The following PPP1R7 variants were observed in gnomAD, a reference collection of about 807,000 sequenced individuals.
The protein encoded by PPP1R7 is protein phosphatase 1 regulatory subunit 22.
In PPP1R7, 18 loss-of-function variants were observed where a neutral mutation model predicts 45.2. That is an observed-to-expected ratio of 0.40 (90% CI 0.28 to 0.59). The LOEUF is 0.59. PPP1R7 is among the 20% of genes least tolerant of loss of function. PPP1R7 has a pLI of 0.46. For missense variants in PPP1R7, 314 were observed against 455.8 expected (o/e 0.69, Z 2.83); for synonymous variants, 181 against 183.4 (o/e 0.99, Z 0.11).
At position 241,183,062 on chromosome 2, in the gene PPP1R7, G is replaced by A. The variant is rs1460000632; in HGVS notation, c.*239G>A. 8.9e-6 allele frequency: 5 copies of A among 563,322 alleles called. No homozygotes were observed. Among genetic ancestry groups the A allele is most frequent in the African/African-American group, 7.5e-5 (4 of 53,158 alleles). The allele number at this position is 563,322 out of a possible 1,614,324, so 34.9% of individuals were successfully genotyped here. On this transcript the variant is annotated 3_prime_UTR_variant, in exon 10 of 10. Coordinates refer to ENST00000234038, the MANE Select transcript of PPP1R7 (RefSeq NM_002712.3). ...TGTTGACAGTTATTGTAGCCACAGAGAGAACATAAGACACGTTGCGTTCAT... is the reference window on the plus strand; with the variant it reads ...TGTTGACAGTTATTGTAGCCACAGAAAGAACATAAGACACGTTGCGTTCAT...
At chr2:241,152,279 C>T (rs760024023) in intron 1 of PPP1R7, among the ~76,000 whole-genome samples, 5 of 152,236 alleles carry the variant, frequency 3.3e-5, no homozygotes, top group Non-Finnish European at 5.9e-5. Context: ...TTTGCCAAAG[C>T]TGCATCTCTA....
Position 241,182,976 on chromosome 2 carries a change from T to A in PPP1R7, c.*153T>A, listed in dbSNP as rs3868. On this transcript the variant is annotated 3_prime_UTR_variant, in exon 10 of 10. Transcript: ENST00000234038. ...CTGACGATAGCTGGCGCGCGCGACGTCACACACCATTTTCAGATGCCGTTG... is the reference window on the plus strand; with the variant it reads ...CTGACGATAGCTGGCGCGCGCGACGACACACACCATTTTCAGATGCCGTTG... 1.3e-6 allele frequency: 1 copy of A among 774,092 alleles called. No homozygotes were observed. Among genetic ancestry groups the A allele is most frequent in the Non-Finnish European group, 2.0e-6 (1 of 494,988 alleles). 48.0% of individuals were successfully genotyped at this position (774,092 alleles called of 1,614,324 possible). A position where few individuals can be genotyped will look rare whatever the true frequency, so the allele number is the denominator to read the frequency against.
intron 6 of PPP1R7, among the ~76,000 whole-genome samples, chr2:241,162,966 A>G (rs931160064): frequency 7.2e-5 from 11 of 151,854 alleles, no homozygotes; most frequent in Non-Finnish European, 1.3e-4. Context: ...CACGCCCGAC[A>G]GGGGGACATT....
At chr2:241,173,569 A>G (rs943282515) in intron 9 of PPP1R7, among the ~76,000 whole-genome samples, 16 of 152,184 alleles carry the variant, frequency 1.1e-4, no homozygotes, top group African/African-American at 3.9e-4. Flanking sequence ...GTGATGTGTC[A>G]GGGTTAACTG....
At position 241,153,490 on chromosome 2, in the gene PPP1R7, G is replaced by A. The variant is rs777048169; in HGVS notation, c.67G>A (p.Glu23Lys). The A allele has an allele frequency of 2.5e-6, 4 of 1,614,048 alleles. No individual in the cohort carries two copies. In the African/African-American group the frequency reaches 5.3e-5, roughly 22 times the overall value. The change falls in exon 2 of 10, where the codon GAG (glutamate) becomes AAG (lysine). Residue 23 changes from glutamate (E) to lysine (K), a missense_variant. Around this residue, in one of 3 missense-constraint regions of PPP1R7, gnomAD observed 112 missense variants for 144.5 expected, o/e 0.78. Transcript: ENST00000234038. Reference sequence around the variant, plus strand: ...TGTGGGTTCAGTTGACAGGCGGGTCGAGTCTGAAGAATCCGGCGATGAAGA... The same window carrying A: ...TGTGGGTTCAGTTGACAGGCGGGTCAAGTCTGAAGAATCCGGCGATGAAGA... ...QEMMEVDRRVESEESGDEEGK... is the reference protein window; with the variant it reads ...QEMMEVDRRVKSEESGDEEGK...
Position 241,160,412 on chromosome 2 carries a change from T to G in PPP1R7, c.515T>G (p.Val172Gly). The change falls in exon 6 of 10, where the codon GTC (valine) becomes GGC (glycine). Residue 172 changes from valine (V) to glycine (G), a missense_variant. Val to Gly is a moderately radical substitution (Grantham distance 109). Transcript: ENST00000234038. The stretch of plus-strand genomic sequence containing the variant: ...ACACGACTGAAAAAACTCTTCTTGG[T>G]CAACAATAAAATCAGTAAAATTGAG... ...KLTRLKKLFLVNNKISKIENL... is the reference protein window; with the variant it reads ...KLTRLKKLFLGNNKISKIENL... 6.2e-7 allele frequency: 1 copy of G among 1,613,316 alleles called. No homozygotes were observed. Among genetic ancestry groups the G allele is most frequent in the Non-Finnish European group, 8.5e-7 (1 of 1,179,812 alleles).
intron 6 of PPP1R7, 88 bp downstream of exon 6, chr2:241,160,582 G>T: frequency 1.8e-6 from 2 of 1,134,580 alleles, no homozygotes; most frequent in Non-Finnish European, 1.2e-6. Flanking sequence ...TAGAATGCAT[G>T]GTGAGTCTGC....
chr2:241,174,647 A>AT (rs2067877965), intron 9 of PPP1R7, among the ~76,000 whole-genome samples: 1 of 151,790 alleles, frequency 6.6e-6, no homozygotes, highest in African/African-American at 2.4e-5. Context: ...TGTCTGATGT[A>AT]TAAAAACAAT....
intron 9 of PPP1R7, among the ~76,000 whole-genome samples, chr2:241,172,018 A>G (rs1362471581): frequency 1.3e-5 from 2 of 152,160 alleles, no homozygotes; most frequent in Admixed American, 6.5e-5. Flanking sequence ...GTGTCTTTAG[A>G]CTGCTTACAT....
intron 1 of PPP1R7, 39 bp from the exon 2 acceptor site, chr2:241,153,437 A>G (rs1297670172): frequency 6.2e-7 from 1 of 1,612,392 alleles, no homozygotes; most frequent in Non-Finnish European, 8.5e-7. Context: ...AAAGTCCCAT[A>G]AAGTGGATGT....
chr2:241,157,199 G>C (rs982228153), intron 2 of PPP1R7, among the ~76,000 whole-genome samples: 1 of 152,184 alleles, frequency 6.6e-6, no homozygotes, highest in African/African-American at 2.4e-5. Flanking sequence ...TGAGAAGTGT[G>C]TTTAAATTAT....
chr2:241,165,814 G>C (rs2067692839), intron 7 of PPP1R7, among the ~76,000 whole-genome samples: 1 of 150,908 alleles, frequency 6.6e-6, no homozygotes, highest in African/African-American at 2.4e-5. Context: ...AGCCAGGATG[G>C]TCTCGATCTC....
At chr2:241,173,879 C>T (rs879831366) in intron 9 of PPP1R7, among the ~76,000 whole-genome samples, 1 of 149,916 alleles carries the variant, frequency 6.7e-6, no homozygotes, top group Non-Finnish European at 1.5e-5. Context: ...ATTTCAGATA[C>T]TGTATTTTTC....
intron 8 of PPP1R7, among the ~76,000 whole-genome samples, chr2:241,169,230 AG>A (rs2067773167): frequency 6.6e-6 from 1 of 152,168 alleles, no homozygotes; most frequent in South Asian, 2.1e-4. Context: ...CCCTTTTCCC[AG>A]ACAAGAGTGT....
At chr2:241,159,059 C>A (rs960702942) in intron 4 of PPP1R7, 154 bp from the exon 5 acceptor site, 3 of 921,836 alleles carry the variant, frequency 3.3e-6, no homozygotes, top group Non-Finnish European at 4.9e-6. Context: ...TGCCCACCTG[C>A]CTCTCAAAGG....
chr2:241,150,267 C>A, upstream of PPP1R7: 1 of 1,321,208 alleles, frequency 7.6e-7, no homozygotes, highest in Non-Finnish European at 9.6e-7. Context: ...AGCTTCTCGC[C>A]TCCAGACTGT....
chr2:241,183,312 T>A lies in PPP1R7; in HGVS notation c.*489T>A, dbSNP rs1436166844. The A allele has an allele frequency of 6.9e-6, 3 of 435,156 alleles. No homozygotes were observed. The highest frequency in any genetic ancestry group is 6.2e-5 in the African/African-American group (3 of 48,146). 27.0% of individuals were successfully genotyped at this position (435,156 alleles called of 1,614,324 possible). A position where few individuals can be genotyped will look rare whatever the true frequency, so the allele number is the denominator to read the frequency against. Reference sequence around the variant, plus strand: ...TTTAACCCAGCCATTTTCAATTTTTTAAAAATTAGGTAAGTTAAAAAAGCT... The same window carrying A: ...TTTAACCCAGCCATTTTCAATTTTTAAAAAATTAGGTAAGTTAAAAAAGCT... On this transcript the variant is annotated 3_prime_UTR_variant, in exon 10 of 10. Transcript: ENST00000234038.
intron 9 of PPP1R7, among the ~76,000 whole-genome samples, chr2:241,178,332 C>G (rs2067941923): frequency 6.6e-6 from 1 of 152,222 alleles, no homozygotes; most frequent in African/African-American, 2.4e-5. Flanking sequence ...TTGATACTTT[C>G]TGCTAGCTTT....
chr2:241,149,754 G>A (rs1441100271), upstream of PPP1R7: 2 of 1,540,858 alleles, frequency 1.3e-6, no homozygotes, highest in African/African-American at 1.4e-5. Context: ...TTCTGAAGGC[G>A]GAGGACGCGG....
Sources: gnomAD v4.1 joint callset for allele counts (sites outside exome capture counted in the v4.1 genomes callset) on GRCh38, gnomAD v4.1.1 for gene constraint, gnomAD v4.1.1 regional missense constraint, MANE v1.5 for transcripts, NCBI Gene and HGNC (gene_info 2026-07-23, HGNC 2026-07-21) for gene names.